Variants in PKP4 observed in about 807,000 individuals in gnomAD.
PKP4 encodes the protein plakophilin-4.
PKP4 carries 90 observed loss-of-function variants against 145.1 expected under a neutral mutation model. That is an observed-to-expected ratio of 0.62 (90% CI 0.52 to 0.74). The LOEUF is 0.74. Among genes scored for constraint, PKP4 ranks in the 30% least tolerant of loss-of-function variants. PKP4 has a pLI of 0.00. For synonymous variants in PKP4, 563 were observed against 577.2 expected, an observed-to-expected ratio of 0.98 and a Z score of 0.35; for missense variants, 1,340 against 1,482.7, an observed-to-expected ratio of 0.90 and a Z score of 1.58.
chr2:158,669,727 C>T lies in PKP4; in HGVS notation c.2736C>T (p.Tyr912=), dbSNP rs138568714. ...DVRNKELIGK[Y]AMRDLVNRLP... ...CTCTTTTGCCGTTGGCAGGCAAATA[C>T]GCCATGCGAGACCTGGTCAACCGGC... The change falls in exon 17 of 22, where the codon TAC becomes TAT. Residue 912 remains tyrosine (Y), a synonymous_variant. Transcript: ENST00000389759. The T allele has an allele frequency of 3.4e-5, 54 of 1,571,784 alleles. 2 individuals carry two copies. The highest frequency in any genetic ancestry group is 2.4e-4 in the Admixed American group (13 of 55,226).
intron 15 of PKP4, chr2:158,665,955 C>T (rs1206415423): frequency 6.6e-6 from 1 of 152,096 alleles, no homozygotes; most frequent in Non-Finnish European, 1.5e-5. Context: ...TTTCTGAACT[C>T]GAAATATTGT....
intron 1 of PKP4, among the ~76,000 whole-genome samples, chr2:158,528,381 G>C (rs1456065034): frequency 1.8e-5 from 2 of 110,394 alleles, no homozygotes; most frequent in African/African-American, 6.5e-5. Context: ...GTAAACTATC[G>C]CAAGAACAAA....
chr2:158,513,989 G>A (rs2041734904), intron 1 of PKP4, among the ~76,000 whole-genome samples: 1 of 152,116 alleles, frequency 6.6e-6, no homozygotes, highest in Non-Finnish European at 1.5e-5. Flanking sequence ...TCACTTCTGT[G>A]GTGGTAGATT....
chr2:158,603,290 A>G (rs2050377763), intron 4 of PKP4, among the ~76,000 whole-genome samples, 186 bp downstream of exon 4: 1 of 152,194 alleles, frequency 6.6e-6, no homozygotes, highest in African/African-American at 2.4e-5. Context: ...AAATTTGTGT[A>G]TGTCAACTGT....
intron 7 of PKP4, among the ~76,000 whole-genome samples, chr2:158,627,981 T>A (rs1428855625): frequency 1.3e-5 from 2 of 151,370 alleles, no homozygotes; most frequent in African/African-American, 4.8e-5. Flanking sequence ...TATTTATTTT[T>A]ATTTTTTTAT....
At chr2:158,564,505 T>C (rs947102213) in intron 2 of PKP4, among the ~76,000 whole-genome samples, 4 of 152,190 alleles carry the variant, frequency 2.6e-5, no homozygotes, top group Non-Finnish European at 5.9e-5. Flanking sequence ...AGACTAGATT[T>C]CCAAGTGGGG....
chr2:158,610,649 T>C (rs1424301136), intron 4 of PKP4, among the ~76,000 whole-genome samples: 1 of 152,200 alleles, frequency 6.6e-6, no homozygotes, highest in Non-Finnish European at 1.5e-5. Flanking sequence ...CATTGATTGT[T>C]ACTTAGGTCC....
chr2:158,563,897 A>T (rs565712051), intron 2 of PKP4, among the ~76,000 whole-genome samples: 1 of 152,266 alleles, frequency 6.6e-6, no homozygotes, highest in African/African-American at 2.4e-5. Flanking sequence ...GCATACTTTA[A>T]TGGCTTCAGA....
At chr2:158,633,960 T>A in intron 8 of PKP4, 110 bp from the exon 9 acceptor site, 1 of 642,042 alleles carries the variant, frequency 1.6e-6, no homozygotes, top group Non-Finnish European at 2.7e-6. Flanking sequence ...GTAAGCGATT[T>A]ATATAATTGC....
Position 158,658,162 on chromosome 2 carries a change from T to A in PKP4, c.1941T>A (p.Ala647=), listed in dbSNP as rs1486082435. The change falls in exon 12 of 22, where the codon GCT becomes GCA. Residue 647 remains alanine, a synonymous_variant. Transcript: ENST00000389759. ...GVLWNLSSCD[A]VKMTIIRDAL... ...TTTGGAATTTATCCTCATGTGATGC[T>A]GTAAAAATGACAATCATTCGAGATG... 1 of 1,606,200 alleles carries A rather than the reference T, an allele frequency of 6.2e-7. No homozygotes were observed. Among genetic ancestry groups the A allele is most frequent in the East Asian group, 2.2e-5 (1 of 44,798 alleles).
At chr2:158,560,928 C>G (rs2046459487) in intron 2 of PKP4, among the ~76,000 whole-genome samples, 1 of 152,298 alleles carries the variant, frequency 6.6e-6, no homozygotes, top group Non-Finnish European at 1.5e-5. Flanking sequence ...TTGTTCTAAT[C>G]TTTGTCAAAT....
intron 17 of PKP4, among the ~76,000 whole-genome samples, chr2:158,672,937 G>A (rs1013778998): frequency 6.6e-6 from 1 of 152,192 alleles, no homozygotes; most frequent in African/African-American, 2.4e-5. Context: ...GAAGTGTTCA[G>A]TTGTCCTTAG....
At chr2:158,509,714 G>A (rs544718547) in intron 1 of PKP4, among the ~76,000 whole-genome samples, 1 of 152,304 alleles carries the variant, frequency 6.6e-6, no homozygotes, top group East Asian at 1.9e-4. Flanking sequence ...TTGGGAGGCT[G>A]AGGCGAGTGG....
chr2:158,529,978 C>G (rs2043370109), intron 1 of PKP4, among the ~76,000 whole-genome samples: 1 of 152,130 alleles, frequency 6.6e-6, no homozygotes. Flanking sequence ...TTAGAAACCT[C>G]TATAGGTTGA....
At chr2:158,585,430 C>T (rs1158463347) in intron 3 of PKP4, among the ~76,000 whole-genome samples, 2 of 152,156 alleles carry the variant, frequency 1.3e-5, no homozygotes, top group Non-Finnish European at 2.9e-5. Flanking sequence ...ATTTTTTACA[C>T]TTGATCGAGT....
At chr2:158,652,672 C>A (rs2055486832) in intron 11 of PKP4, among the ~76,000 whole-genome samples, 1 of 152,122 alleles carries the variant, frequency 6.6e-6, no homozygotes. Context: ...CCCCATTTTT[C>A]AAGAATGTTT....
intron 3 of PKP4, among the ~76,000 whole-genome samples, chr2:158,593,766 G>A (rs1457198970): frequency 6.6e-6 from 1 of 152,040 alleles, no homozygotes; most frequent in East Asian, 1.9e-4. Context: ...CTGTTATAGG[G>A]ATCCAAAAAT....
At chr2:158,660,357 C>T (rs1240401481) in intron 12 of PKP4, 3 of 152,632 alleles carry the variant, frequency 2.0e-5, no homozygotes, top group East Asian at 1.9e-4. Context: ...GCAGAAGGCA[C>T]CTTGGAGAGT....
chr2:158,613,903 C>T (rs1232817415), intron 4 of PKP4, among the ~76,000 whole-genome samples: 1 of 152,122 alleles, frequency 6.6e-6, no homozygotes, highest in African/African-American at 2.4e-5. Flanking sequence ...TGTGGAACAA[C>T]TTAAAAGTGT....
Sources: allele counts gnomAD v4.1 joint callset (sites outside exome capture counted in the v4.1 genomes callset), GRCh38; gene constraint gnomAD v4.1.1; transcripts MANE v1.5; gene names NCBI Gene and HGNC (gene_info 2026-07-23, HGNC 2026-07-21).